The following DPYSL2 variants were observed in gnomAD, a reference collection of about 807,000 sequenced individuals.
DPYSL2 encodes the protein dihydropyrimidinase like 2.
DPYSL2 carries 13 observed loss-of-function variants against 69.9 expected under a neutral mutation model. The observed-to-expected ratio is 0.19, with a 90% CI of 0.12 to 0.30. DPYSL2 has a LOEUF of 0.30. Among genes scored for constraint, DPYSL2 ranks in the 10% least tolerant of loss-of-function variants. The pLI, the probability that DPYSL2 is intolerant of heterozygous loss-of-function variation, is 1.00. For synonymous variants in DPYSL2, 326 were observed against 359.1 expected (o/e 0.91, Z 1.04); for missense variants, 587 against 918.9 (o/e 0.64, Z 4.67).
chr8:26,604,636 C>T (rs1802068113), intron 3 of DPYSL2, among the ~76,000 whole-genome samples: 1 of 152,040 alleles, frequency 6.6e-6, no homozygotes, highest in South Asian at 2.1e-4. Flanking sequence ...TTCATCTCAA[C>T]CTACTCCCTG....
chr8:26,528,217 G>T (rs1382946960), intron 1 of DPYSL2, among the ~76,000 whole-genome samples: 1 of 152,160 alleles, frequency 6.6e-6, no homozygotes, highest in East Asian at 1.9e-4. Context: ...CCCACTTCCT[G>T]CACGGTCCCT....
At chr8:26,577,680 C>G (rs1399647084) in intron 1 of DPYSL2, 2 of 493,514 alleles carry the variant, frequency 4.1e-6, no homozygotes, top group Non-Finnish European at 5.2e-6. Context: ...CGCCGCCAAA[C>G]CCGGTCCCCA....
chr8:26,518,009 G>A (rs984394916), intron 1 of DPYSL2, among the ~76,000 whole-genome samples: 3 of 152,146 alleles, frequency 2.0e-5, no homozygotes, highest in Admixed American at 6.5e-5. Context: ...AGGGCAACAG[G>A]TTCTAAAATC....
Position 26,624,387 on chromosome 8 carries a change from A to G in DPYSL2, c.793+80A>G. On this transcript the variant is annotated intron_variant, in intron 4 of 13. Coordinates refer to ENST00000521913, the MANE Select transcript of DPYSL2 (RefSeq NM_001197293.3). This position sits in a 1 kb window ranked among gnomAD's most constrained non-coding sequence, Gnocchi z 4.7. Reference sequence around the variant, plus strand: ...CTGGCACAGCCCTGGGAAGAAAGTGATAATGCTTCCAGATCCCATTTGTGC... The same window carrying G: ...CTGGCACAGCCCTGGGAAGAAAGTGGTAATGCTTCCAGATCCCATTTGTGC... 2.0e-6 allele frequency: 3 copies of G among 1,528,576 alleles called. No individual in the cohort carries two copies. The highest frequency in any genetic ancestry group is 2.3e-5 in the East Asian group (1 of 44,226). 94.7% of individuals were successfully genotyped at this position (1,528,576 alleles called of 1,614,324 possible).
intron 2 of DPYSL2, among the ~76,000 whole-genome samples, chr8:26,583,158 A>T (rs1801525424): frequency 6.6e-6 from 1 of 152,244 alleles, no homozygotes. Flanking sequence ...AAAAATTGGT[A>T]GAAAGATATA....
intron 1 of DPYSL2, among the ~76,000 whole-genome samples, chr8:26,567,764 A>T (rs17404868): frequency 0.1 from 15,563 of 152,240 alleles, 879 homozygotes; most frequent in Non-Finnish European, 0.12. Context: ...CCCGGCACGC[A>T]CAGGGAATGC....
rs996469398 is a variant in DPYSL2 at position 26,564,968 on chromosome 8, G to A, written c.355-17001G>A. Among the ~76,000 whole-genome samples the A allele has an allele frequency of 6.6e-6, 1 of 152,002 alleles. No homozygotes were observed. The highest frequency in any genetic ancestry group is 1.9e-4 in the East Asian group (1 of 5,188). On this transcript the variant is annotated intron_variant, in intron 1 of 13. Coordinates refer to ENST00000521913, the MANE Select transcript of DPYSL2 (RefSeq NM_001197293.3). This position sits in a 1 kb window ranked among gnomAD's most constrained non-coding sequence, Gnocchi z 4.8. ...TCTCCAAAGTCCATTATATCACTCT[G>A]TATGCCTTTGTGTATTCATAGCTTA...
intron 7 of DPYSL2, among the ~76,000 whole-genome samples, chr8:26,632,768 G>T (rs1185849440): frequency 1.3e-5 from 2 of 152,226 alleles, no homozygotes; most frequent in East Asian, 1.9e-4. Flanking sequence ...AGACGTCCCT[G>T]TCCCCGCCTG....
At position 26,560,796 on chromosome 8, in the gene DPYSL2, T is replaced by C. The variant is rs1310267946; in HGVS notation, c.355-21173T>C. On this transcript the variant is annotated intron_variant, in intron 1 of 13. Coordinates refer to ENST00000521913, the MANE Select transcript of DPYSL2 (RefSeq NM_001197293.3). This position sits in a 1 kb window ranked among gnomAD's most constrained non-coding sequence, Gnocchi z 4.4. Reference sequence around the variant, plus strand: ...TAGTAAAGGTGCATGTGGACATTAGTATGATCTATGTAAGTATAATCACCA... The same window carrying C: ...TAGTAAAGGTGCATGTGGACATTAGCATGATCTATGTAAGTATAATCACCA... Among the ~76,000 whole-genome samples, 4 of 152,216 alleles carry C rather than the reference T, an allele frequency of 2.6e-5. No individual in the cohort carries two copies. Among genetic ancestry groups the C allele is most frequent in the Non-Finnish European group, 4.4e-5 (3 of 68,044 alleles).
chr8:26,632,863 G>C (rs1162898186), intron 7 of DPYSL2, among the ~76,000 whole-genome samples: 2 of 152,218 alleles, frequency 1.3e-5, no homozygotes, highest in African/African-American at 4.8e-5. Context: ...AAACATTTGG[G>C]TGTTTAATAT....
chr8:26,582,982 A>G lies in DPYSL2; in HGVS notation c.444-817A>G, dbSNP rs1490448962. 6.6e-6 allele frequency among the ~76,000 whole-genome samples: 1 copy of G among 152,170 alleles called. No individual in the cohort carries two copies. The highest frequency in any genetic ancestry group is 6.5e-5 in the Admixed American group (1 of 15,270). On this transcript the variant is annotated intron_variant, in intron 2 of 13. Coordinates refer to ENST00000521913, the MANE Select transcript of DPYSL2 (RefSeq NM_001197293.3). This position sits in a 1 kb window ranked among gnomAD's most constrained non-coding sequence, Gnocchi z 4.1. ...GTGACAGTCTCAGCTCCAGGCTCTC[A>G]AATGCCATGACTTTGATGTTCCATT...
intron 1 of DPYSL2, among the ~76,000 whole-genome samples, chr8:26,531,945 T>G (rs894212332): frequency 6.6e-6 from 1 of 152,062 alleles, no homozygotes; most frequent in African/African-American, 2.4e-5. Context: ...AAACTCATCT[T>G]GGTGTCCTTT....
Position 26,550,846 on chromosome 8 carries a change from G to T in DPYSL2, c.355-31123G>T, listed in dbSNP as rs528761016. Among the ~76,000 whole-genome samples, 17 of 152,304 alleles carry T rather than the reference G, an allele frequency of 1.1e-4. No individual in the cohort carries two copies. The South Asian group carries it at 2.3e-3, about 20-fold the overall frequency. On this transcript the variant is annotated intron_variant, in intron 1 of 13. Transcript: ENST00000521913. Reference sequence around the variant, plus strand: ...GGCTGAACCAAAGGCCTGAGAGCTGGTGGGGAGAGGGGGTCTGGTGTAAGT... The same window carrying T: ...GGCTGAACCAAAGGCCTGAGAGCTGTTGGGGAGAGGGGGTCTGGTGTAAGT...
chr8:26,539,053 C>G (rs184830765), intron 1 of DPYSL2, among the ~76,000 whole-genome samples: 27 of 152,304 alleles, frequency 1.8e-4, no homozygotes, highest in Non-Finnish European at 7.3e-5. Context: ...CACTTGTACT[C>G]AATGTTTAGC....
intron 1 of DPYSL2, among the ~76,000 whole-genome samples, chr8:26,529,802 G>A (rs1800471399): frequency 6.8e-6 from 1 of 147,480 alleles, no homozygotes; most frequent in East Asian, 2.0e-4. Flanking sequence ...AGCTGGTGGT[G>A]AAGATGGCTG....
chr8:26,623,690 T>C (rs1802549299), intron 3 of DPYSL2, among the ~76,000 whole-genome samples: 1 of 152,042 alleles, frequency 6.6e-6, no homozygotes, highest in Non-Finnish European at 1.5e-5. Context: ...GAGCAGGTAA[T>C]GCCCGGGAAC....
intron 3 of DPYSL2, among the ~76,000 whole-genome samples, chr8:26,611,090 T>A (rs543663729): frequency 6.6e-6 from 1 of 152,174 alleles, no homozygotes; most frequent in South Asian, 2.1e-4. Context: ...CACTGAGGAG[T>A]TAAGTACTTT....
chr8:26,549,559 A>G (rs1383606236), intron 1 of DPYSL2, among the ~76,000 whole-genome samples: 1 of 152,190 alleles, frequency 6.6e-6, no homozygotes, highest in Non-Finnish European at 1.5e-5. Context: ...CCACAGGTAC[A>G]GGAAGCTCAG....
At chr8:26,581,442 C>T (rs1271140618) in intron 1 of DPYSL2, among the ~76,000 whole-genome samples, 4 of 151,020 alleles carry the variant, frequency 2.6e-5, no homozygotes, top group Admixed American at 6.6e-5. Context: ...GACGTGATCT[C>T]GGTTCACTAC....
Sources: gnomAD v4.1 joint callset for allele counts (sites outside exome capture counted in the v4.1 genomes callset) on GRCh38, gnomAD v4.1.1 for gene constraint, Gnocchi (gnomAD v3.1) non-coding constraint, MANE v1.5 for transcripts, NCBI Gene and HGNC (gene_info 2026-07-23, HGNC 2026-07-21) for gene names.